UGP2: variants seen among roughly 807,000 people sequenced by gnomAD.
The protein encoded by UGP2 is UTP--glucose-1-phosphate uridylyltransferase.
Under a neutral mutation model 49.0 loss-of-function variants are expected in UGP2, and 40 were observed. The observed-to-expected ratio is 0.82, with a 90% CI of 0.63 to 1.06. UGP2 has a LOEUF of 1.06. Among genes scored for constraint, UGP2 ranks in the 50% least tolerant of loss-of-function variants. UGP2 has a pLI of 0.00. For missense variants in UGP2, 460 were observed against 603.5 expected (o/e 0.76, Z 2.49); for synonymous variants, 225 against 213.0 (o/e 1.06, Z -0.49).
At chr2:63,880,802 C>G (rs1575847262) in intron 3 of UGP2, among the ~76,000 whole-genome samples, 1 of 151,886 alleles carries the variant, frequency 6.6e-6, no homozygotes, top group Non-Finnish European at 1.5e-5. Context: ...GGTCTGCAGC[C>G]ATCGGTGTGG....
intron 7 of UGP2, 116 bp downstream of exon 7, chr2:63,886,654 G>C: frequency 8.4e-7 from 1 of 1,188,388 alleles, no homozygotes; most frequent in Non-Finnish European, 1.2e-6. Flanking sequence ...ACTCCCTTTT[G>C]CCTTTTCAGA....
intron 9 of UGP2, among the ~76,000 whole-genome samples, chr2:63,890,786 C>G (rs1672079085): frequency 6.6e-6 from 1 of 152,106 alleles, no homozygotes; most frequent in African/African-American, 2.4e-5. Flanking sequence ...AAACCAAGCA[C>G]CTTTTAATTT....
intron 1 of UGP2, among the ~76,000 whole-genome samples, chr2:63,844,011 T>C (rs1361848085): frequency 6.6e-6 from 1 of 152,248 alleles, no homozygotes; most frequent in African/African-American, 2.4e-5. Flanking sequence ...TCCTCCTGCG[T>C]TAGCCTCCTG....
Position 63,891,140 on chromosome 2 carries a change from A to AAATC in UGP2, c.1442_1445dup (p.His482GlnfsTer4). 1 of 1,613,474 alleles carries AAATC rather than the reference A, an allele frequency of 6.2e-7. No individual in the cohort carries two copies. The highest frequency in any genetic ancestry group is 2.2e-5 in the East Asian group (1 of 44,818). ...CTTAGGGAACGGTTATCATCATTGC[A>AAATC]AATCATGGTGACAGAATTGATATCC... is the stretch of plus-strand genomic sequence containing the variant. On this transcript the variant is annotated frameshift_variant, in exon 10 of 10. Transcript: ENST00000337130. LOFTEE classifies it high-confidence loss of function.
chr2:63,847,311 C>T (rs768907557), intron 1 of UGP2, among the ~76,000 whole-genome samples: 1 of 151,956 alleles, frequency 6.6e-6, no homozygotes, highest in African/African-American at 2.4e-5. Flanking sequence ...ATTATTTTTC[C>T]CTTCATAGAT....
chr2:63,856,504 G>C (rs760056123), intron 2 of UGP2, 71 bp downstream of exon 2: 2 of 1,467,720 alleles, frequency 1.4e-6, no homozygotes, highest in Non-Finnish European at 1.8e-6. Context: ...AGTTGCTGCC[G>C]GTGATGATGA....
chr2:63,842,411 G>C, intron 1 of UGP2: 1 of 1,580,264 alleles, frequency 6.3e-7, no homozygotes, highest in Non-Finnish European at 8.5e-7. Flanking sequence ...TACCCTGCTG[G>C]GTTTAGTTTT....
intron 6 of UGP2, 56 bp downstream of exon 6, chr2:63,885,942 T>G: frequency 6.7e-7 from 1 of 1,489,312 alleles, no homozygotes; most frequent in South Asian, 1.5e-5. Flanking sequence ...TCGTAAGTTA[T>G]GAAGTTAAAG....
chr2:63,855,096 A>G (rs552225463), intron 1 of UGP2, among the ~76,000 whole-genome samples: 5 of 152,364 alleles, frequency 3.3e-5, no homozygotes, highest in Admixed American at 3.3e-4. Flanking sequence ...CATTTAGACA[A>G]ATCTCAAACA....
At chr2:63,842,630 T>G in intron 1 of UGP2, 2 of 1,430,092 alleles carry the variant, frequency 1.4e-6, no homozygotes, top group Non-Finnish European at 1.8e-6. Context: ...TGGGGAAGCT[T>G]TAGTGTTCTC....
rs765892058 is a variant in UGP2 at position 63,842,207 on chromosome 2, A to T, written c.19+3A>T. 9.3e-6 allele frequency: 15 copies of T among 1,607,312 alleles called. No individual in the cohort carries two copies. Among genetic ancestry groups the T allele is most frequent in the Non-Finnish European group, 1.3e-5 (15 of 1,178,384 alleles). The stretch of plus-strand genomic sequence containing the variant: ...TAAAATGTCGAGATTTGTACAAGGT[A>T]AGAAATGCTGCTGCTTATATCCCGA... On this transcript the variant is annotated splice_donor_region_variant and intron_variant, in intron 1 of 9. Coordinates refer to ENST00000337130, the MANE Select transcript of UGP2 (RefSeq NM_006759.4).
intron 3 of UGP2, among the ~76,000 whole-genome samples, chr2:63,882,007 T>C (rs1466550253): frequency 6.6e-6 from 1 of 152,236 alleles, no homozygotes; most frequent in Non-Finnish European, 1.5e-5. Flanking sequence ...GGTATTTGCC[T>C]CCTGTGGTAG....
intron 1 of UGP2, 44 bp downstream of exon 1, chr2:63,842,248 TTTGGG>T: frequency 6.2e-7 from 1 of 1,607,806 alleles, no homozygotes; most frequent in Non-Finnish European, 8.5e-7. Flanking sequence ...TTCAGGCAAA[TTTGGG>T]TACTGACAGT....
intron 3 of UGP2, among the ~76,000 whole-genome samples, chr2:63,858,354 C>G (rs967852545): frequency 4.6e-5 from 7 of 152,302 alleles, no homozygotes; most frequent in African/African-American, 1.7e-4. Flanking sequence ...TACAGCTTCA[C>G]TCATTAATTT....
chr2:63,865,511 A>G (rs1348125828), intron 3 of UGP2, among the ~76,000 whole-genome samples: 1 of 149,686 alleles, frequency 6.7e-6, no homozygotes, highest in Admixed American at 6.7e-5. Flanking sequence ...GGTGTTCTCC[A>G]TTCTCAGAAT....
intron 3 of UGP2, among the ~76,000 whole-genome samples, chr2:63,868,494 A>T (rs547470283): frequency 2.3e-4 from 35 of 152,200 alleles, no homozygotes; most frequent in Non-Finnish European, 4.9e-4. Context: ...ACTTCTGGGG[A>T]TTCTCTTATA....
At chr2:63,886,677 G>A (rs1671696489) in intron 7 of UGP2, 139 bp downstream of exon 7, 1 of 938,714 alleles carries the variant, frequency 1.1e-6, no homozygotes. Context: ...CTAGTTCCTA[G>A]CCCTGTCTTC....
At chr2:63,844,380 TTAG>T (rs1671785950) in intron 1 of UGP2, among the ~76,000 whole-genome samples, 1 of 152,228 alleles carries the variant, frequency 6.6e-6, no homozygotes, top group Non-Finnish European at 1.5e-5. Context: ...TCACTGGCAC[TTAG>T]TAGTTCATGC....
upstream of UGP2, chr2:63,841,125 AAGAG>A (rs771441375): frequency 9.3e-5 from 14 of 150,108 alleles, no homozygotes; most frequent in East Asian, 2.0e-4. Flanking sequence ...TGTGTGAGGG[AAGAG>A]AGAGAGAGAG....
Sources: allele counts gnomAD v4.1 joint callset (sites outside exome capture counted in the v4.1 genomes callset), GRCh38; gene constraint gnomAD v4.1.1; transcripts MANE v1.5; gene names NCBI Gene and HGNC (gene_info 2026-07-23, HGNC 2026-07-21).